The following CACNA1E variants were observed in gnomAD, a reference collection of about 807,000 sequenced individuals.
CACNA1E encodes the protein voltage-dependent R-type calcium channel subunit alpha-1E.
CACNA1E carries 40 observed loss-of-function variants against 259.2 expected under a neutral mutation model. The observed-to-expected ratio is 0.15, with a 90% confidence interval of 0.12 to 0.20. CACNA1E has a LOEUF of 0.20. Among genes scored for constraint, CACNA1E ranks in the 10% least tolerant of loss-of-function variants. The probability of loss-of-function intolerance (pLI) is 1.00; values close to 1 mark genes in which losing one functional copy is unlikely to be tolerated. For missense variants in CACNA1E, 1,874 were observed against 3,040.1 expected, an observed-to-expected ratio of 0.62 and a Z score of 9.02; for synonymous variants, 1,104 against 1,138.5, an observed-to-expected ratio of 0.97 and a Z score of 0.61.
intron 2 of CACNA1E, among the ~76,000 whole-genome samples, chr1:181,459,447 T>C (rs1280858174): frequency 1.3e-5 from 2 of 152,256 alleles, no homozygotes; most frequent in Non-Finnish European, 2.9e-5. Context: ...GATTCCTCTG[T>C]AGAAGCTGCC....
intron 32 of CACNA1E, among the ~76,000 whole-genome samples, chr1:181,760,523 G>T (rs574274478): frequency 1.3e-5 from 2 of 152,198 alleles, no homozygotes; most frequent in African/African-American, 4.8e-5. Context: ...CACAATGAAA[G>T]GCAATAGAAT....
intron 6 of CACNA1E, among the ~76,000 whole-genome samples, chr1:181,621,483 T>C (rs901391837): frequency 6.6e-6 from 1 of 152,168 alleles, no homozygotes; most frequent in African/African-American, 2.4e-5. Flanking sequence ...GCTTGGTAAA[T>C]GCTTACTATG....
At chr1:181,575,997 A>G (rs1260140147) in intron 3 of CACNA1E, among the ~76,000 whole-genome samples, 1 of 151,946 alleles carries the variant, frequency 6.6e-6, no homozygotes, top group African/African-American at 2.4e-5. Context: ...TACTTATTAG[A>G]AATTATATGA....
chr1:181,686,277 T>TG (rs1650534920), intron 7 of CACNA1E, among the ~76,000 whole-genome samples: 1 of 17,180 alleles, frequency 5.8e-5, no homozygotes, highest in Non-Finnish European at 1.5e-4. Flanking sequence ...AGAACCAAGT[T>TG]TTTTTTTTTT....
At chr1:181,764,239 T>C (rs1658832536) in intron 34 of CACNA1E, among the ~76,000 whole-genome samples, 1 of 152,224 alleles carries the variant, frequency 6.6e-6, no homozygotes, top group South Asian at 2.1e-4. Flanking sequence ...GAAATATCTT[T>C]GGACTCTAGC....
chr1:181,420,201 A>T (rs1658621540), intron 2 of CACNA1E, among the ~76,000 whole-genome samples: 2 of 151,694 alleles, frequency 1.3e-5, no homozygotes, highest in African/African-American at 4.8e-5. Context: ...ACAGACTAGA[A>T]ACCAACCTGG....
intron 1 of CACNA1E, among the ~76,000 whole-genome samples, chr1:181,399,576 C>T (rs1165452714): frequency 6.6e-6 from 1 of 152,082 alleles, no homozygotes; most frequent in Non-Finnish European, 1.5e-5. Flanking sequence ...ATAGTGAAAT[C>T]CCTGTCAACG....
chr1:181,774,423 G>C (rs1434462177), intron 37 of CACNA1E, among the ~76,000 whole-genome samples: 5 of 152,234 alleles, frequency 3.3e-5, no homozygotes. Flanking sequence ...GCATGAGACA[G>C]AAATCTCCAG....
intron 7 of CACNA1E, among the ~76,000 whole-genome samples, chr1:181,694,504 T>A (rs1262077695): frequency 6.6e-6 from 1 of 152,188 alleles, no homozygotes; most frequent in East Asian, 1.9e-4. Context: ...GCCATTATTG[T>A]GGGAGTGGGT....
At chr1:181,404,995 C>T (rs2102105636) in intron 1 of CACNA1E, among the ~76,000 whole-genome samples, 1 of 152,344 alleles carries the variant, frequency 6.6e-6, no homozygotes, top group African/African-American at 2.4e-5. Context: ...CTCTCCCAGT[C>T]CAAACCGTGT....
chr1:181,738,652 A>C (rs1486716719), intron 24 of CACNA1E, among the ~76,000 whole-genome samples: 1 of 152,166 alleles, frequency 6.6e-6, no homozygotes, highest in Non-Finnish European at 1.5e-5. Context: ...ACATGGCCCA[A>C]GTAGGAGGCA....
chr1:181,391,534 G>T (rs1247455167), intron 1 of CACNA1E, among the ~76,000 whole-genome samples: 2 of 152,080 alleles, frequency 1.3e-5, no homozygotes, highest in Admixed American at 1.3e-4. Flanking sequence ...AGTGGGAGGG[G>T]CTGTCTGGGG....
chr1:181,323,959 C>T (rs1327171709), intron 1 of CACNA1E, among the ~76,000 whole-genome samples: 2 of 152,226 alleles, frequency 1.3e-5, no homozygotes, highest in African/African-American at 4.8e-5. Flanking sequence ...GAGCAGCTCC[C>T]ATGATGACTG....
At chr1:181,404,440 T>A (rs958794476) in intron 1 of CACNA1E, among the ~76,000 whole-genome samples, 4 of 152,174 alleles carry the variant, frequency 2.6e-5, no homozygotes, top group Non-Finnish European at 1.5e-5. Flanking sequence ...TCTCTAGAAA[T>A]GTGAATTTTG....
chr1:181,410,622 G>A (rs1240994276), intron 1 of CACNA1E, among the ~76,000 whole-genome samples: 1 of 152,164 alleles, frequency 6.6e-6, no homozygotes, highest in Non-Finnish European at 1.5e-5. Context: ...TTAGCATAAC[G>A]AGGAGGGGGG....
rs765058950 is a variant in CACNA1E at position 181,733,597 on chromosome 1, A to G, written c.3109A>G (p.Asn1037Asp). 3.7e-6 allele frequency: 6 copies of G among 1,612,886 alleles called. No individual in the cohort carries two copies. Among genetic ancestry groups the G allele is most frequent in the Non-Finnish European group, 5.1e-6 (6 of 1,179,484 alleles). Residue 1037 changes from asparagine to aspartate, a missense_variant, in exon 21 of 48, where the codon AAT (asparagine) becomes GAT (aspartate). Transcript: ENST00000367573. ...CAGCAGTGAGCAGGCCCTGCTGGGG[A>G]ATGTGCAGCTAGACATGGGCCGGGT... ...EGSSEQALLGNVQLDMGRVIS... is the reference protein window; with the variant it reads ...EGSSEQALLGDVQLDMGRVIS...
intron 6 of CACNA1E, among the ~76,000 whole-genome samples, chr1:181,588,194 A>G (rs1022762512): frequency 7.9e-5 from 12 of 152,314 alleles, no homozygotes; most frequent in African/African-American, 2.9e-4. Flanking sequence ...CTTGGGGAAC[A>G]TTTGGGGACT....
At chr1:181,377,902 A>G (rs571556645) in intron 1 of CACNA1E, among the ~76,000 whole-genome samples, 1 of 152,210 alleles carries the variant, frequency 6.6e-6, no homozygotes, top group African/African-American at 2.4e-5. Flanking sequence ...CACACTATCC[A>G]TTCTCTTTGG....
chr1:181,728,034 C>T (rs560232011), intron 18 of CACNA1E, among the ~76,000 whole-genome samples: 7 of 152,116 alleles, frequency 4.6e-5, no homozygotes, highest in East Asian at 3.9e-4. Flanking sequence ...CCTTCCAAAT[C>T]GTTAAAGGTT....
Sources: allele counts gnomAD v4.1 joint callset (sites outside exome capture counted in the v4.1 genomes callset), GRCh38; gene constraint gnomAD v4.1.1; transcripts MANE v1.5; gene names NCBI Gene and HGNC (gene_info 2026-07-23, HGNC 2026-07-21).